RBPJ: variants seen among roughly 807,000 people sequenced by gnomAD.
The protein encoded by RBPJ is recombining binding protein suppressor of hairless.
In RBPJ, 9 loss-of-function variants were observed where a neutral mutation model predicts 67.8. That is an observed-to-expected ratio of 0.13 (90% CI 0.08 to 0.23). The LOEUF (loss-of-function observed/expected upper bound fraction) is 0.23, where lower values mean the gene tolerates loss of function less well. Among genes scored for constraint, RBPJ ranks in the 10% least tolerant of loss-of-function variants. The probability of loss-of-function intolerance (pLI) is 1.00; values close to 1 mark genes in which losing one functional copy is unlikely to be tolerated. For synonymous variants in RBPJ, 198 were observed against 203.3 expected, an observed-to-expected ratio of 0.97 and a Z score of 0.22; for missense variants, 305 against 595.6, an observed-to-expected ratio of 0.51 and a Z score of 5.08.
At chr4:26,320,803 C>G (rs754661034), upstream of RBPJ, 1 of 1,556,916 alleles carries the variant, frequency 6.4e-7, no homozygotes, top group Admixed American at 2.0e-5. Flanking sequence ...CCTGCGCATG[C>G]TCCATCGCCT....
rs60159669 is a variant in RBPJ, at chr4:26,289,384, C to CAAAAA, written c.-166-73043_-166-73039dup. 6.9e-4 allele frequency among the ~76,000 whole-genome samples: 54 copies of CAAAAA among 78,292 alleles called. 1 individual carries two copies. The highest frequency in any genetic ancestry group is 8.2e-3 in the Middle Eastern group (1 of 122). The allele number at this position is 78,292 out of a possible 152,430, so 51.4% of individuals were successfully genotyped here. The stretch of plus-strand genomic sequence containing the variant: ...TCAGCGACAGAGTGAGACTTGGTCT[C>CAAAAA]AAAAAAAAAAAAAAAAAAAAAAAGA... On this transcript the variant is annotated intron_variant, in intron 1 of 4. Coordinates refer to the RBPJ transcript ENST00000512351.
the RBPJ span, among the ~76,000 whole-genome samples, chr4:26,121,761 C>G: frequency 6.6e-6 from 1 of 151,988 alleles, no homozygotes; most frequent in Non-Finnish European, 1.5e-5. Context: ...CAAGTAGCAT[C>G]CAATCAGAAA....
intron 1 of RBPJ, among the ~76,000 whole-genome samples, chr4:26,340,872 GAAAA>G (rs535833238): frequency 8.7e-6 from 1 of 115,490 alleles, no homozygotes; most frequent in Non-Finnish European, 1.9e-5. Flanking sequence ...AAAAACAAAA[GAAAA>G]AAAAAAAAGA....
intron 7 of RBPJ, chr4:26,425,021 T>C (rs1037972588): frequency 1.6e-5 from 7 of 437,588 alleles, no homozygotes; most frequent in African/African-American, 2.0e-5. Context: ...TTTGGCTGTT[T>C]ATCTGAAGAT....
In RBPJ at chr4:26,254,700, CAG is replaced by C. The variant is rs1331790315; in HGVS notation, c.-167+91089_-167+91090del. On this transcript the variant is annotated intron_variant, in intron 1 of 4. Transcript: ENST00000512351. ...TTTATTTTTAATTATTTTTTTAAGACAGAGTCACACCCTGTAACCCAGGCTGG... is the reference window on the plus strand; with the variant it reads ...TTTATTTTTAATTATTTTTTTAAGACAGTCACACCCTGTAACCCAGGCTGG... 1.4e-5 allele frequency among the ~76,000 whole-genome samples: 2 copies of C among 147,438 alleles called. 1 individual carries two copies. Among genetic ancestry groups the C allele is most frequent in the African/African-American group, 5.4e-5 (2 of 37,240 alleles).
At chr4:26,260,233 T>C (rs1306930040) in intron 1 of RBPJ, among the ~76,000 whole-genome samples, 1 of 152,238 alleles carries the variant, frequency 6.6e-6, no homozygotes, top group Non-Finnish European at 1.5e-5. Flanking sequence ...AGGCACTTTG[T>C]GTGGCTTGTC....
chr4:26,203,474 T>A lies in RBPJ; in HGVS notation c.-167+39860T>A, dbSNP rs146075401. On this transcript the variant is annotated intron_variant, in intron 1 of 4. Coordinates refer to the RBPJ transcript ENST00000512351. ...GCCAGCTTTATTCTTCTTCATGGCC[T>A]TTAGCATGATCTGTCATAAATTTAT... Among the ~76,000 whole-genome samples the A allele has an allele frequency of 1.6e-3, 248 of 152,334 alleles. 1 individual carries two copies. The highest frequency in any genetic ancestry group is 5.7e-3 in the African/African-American group (237 of 41,572).
chr4:26,182,166 C>T (rs577606571), intron 1 of RBPJ, among the ~76,000 whole-genome samples: 1 of 152,230 alleles, frequency 6.6e-6, no homozygotes, highest in South Asian at 2.1e-4. Flanking sequence ...CACGGTGAAA[C>T]CCCGTCTCTA....
At chr4:26,123,574 A>G in the RBPJ span, among the ~76,000 whole-genome samples, 33 of 152,156 alleles carry the variant, frequency 2.2e-4, no homozygotes, top group African/African-American at 7.7e-4. Flanking sequence ...TACTTTATAA[A>G]CTTTTTAATG....
chr4:26,142,674 ACTT>A, the RBPJ span, among the ~76,000 whole-genome samples: 2 of 152,238 alleles, frequency 1.3e-5, no homozygotes, highest in African/African-American at 4.8e-5. Flanking sequence ...ACCTACAGAC[ACTT>A]CTTGTGTATC....
intron 1 of RBPJ, among the ~76,000 whole-genome samples, chr4:26,295,001 G>T (rs971187579): frequency 5.3e-5 from 8 of 152,188 alleles, no homozygotes; most frequent in Admixed American, 3.9e-4. Context: ...CCCCTGGAGG[G>T]TATTACTCTG....
At chr4:26,360,449 T>C (rs927352587) in intron 1 of RBPJ, among the ~76,000 whole-genome samples, 2 of 152,212 alleles carry the variant, frequency 1.3e-5, no homozygotes, top group South Asian at 2.1e-4. Context: ...TAGTGCCTAT[T>C]GTGTTGCGGG....
the RBPJ span, among the ~76,000 whole-genome samples, chr4:26,120,015 T>C: frequency 6.6e-6 from 1 of 152,142 alleles, no homozygotes. Flanking sequence ...TTGAGCCATA[T>C]CAAAAGAGAG....
At chr4:26,229,171 T>C (rs1276079518) in intron 1 of RBPJ, among the ~76,000 whole-genome samples, 1 of 152,178 alleles carries the variant, frequency 6.6e-6, no homozygotes, top group African/African-American at 2.4e-5. Flanking sequence ...AATAAACACA[T>C]TCCTCTCTTC....
At chr4:26,319,624 A>C, upstream of RBPJ, 2 of 579,656 alleles carry the variant, frequency 3.5e-6, no homozygotes, top group East Asian at 3.2e-5. Context: ...CGCGAGGTTT[A>C]GGAAATTTCC....
chr4:26,366,823 G>A (rs1177419379), intron 1 of RBPJ, among the ~76,000 whole-genome samples: 2 of 151,462 alleles, frequency 1.3e-5, no homozygotes, highest in Admixed American at 1.3e-4. Context: ...GACTCATGCA[G>A]TTTAAAAAAA....
intron 1 of RBPJ, among the ~76,000 whole-genome samples, chr4:26,238,957 G>A (rs754116798): frequency 2.0e-5 from 3 of 152,044 alleles, no homozygotes; most frequent in East Asian, 1.9e-4. Flanking sequence ...GAGAGCAGAC[G>A]CAGAAGAAAA....
chr4:26,420,647 A>C lies in RBPJ; in HGVS notation c.418A>C (p.Ile140Leu), dbSNP rs1216715110. 1 of 1,613,964 alleles carries C rather than the reference A, an allele frequency of 6.2e-7. No homozygotes were observed. Among genetic ancestry groups the C allele is most frequent in the African/African-American group, 1.3e-5 (1 of 74,944 alleles). Residue 140 changes from isoleucine (I) to leucine (L), a missense_variant, in exon 5 of 11, where the codon ATT (isoleucine) becomes CTT (leucine). Ile to Leu is a conservative substitution (Grantham distance 5). Around this residue, in one of 7 missense-constraint regions of RBPJ, gnomAD observed 79 missense variants for 106.2 expected, o/e 0.74. Transcript: ENST00000355476. ...GATGTTCTATGGCAACAGTGATGAC[A>C]TTGGTGTGTTCCTCAGCAAGCGGAT... is the stretch of plus-strand genomic sequence containing the variant. ...VKMFYGNSDD[I>L]GVFLSKRIKV...
chr4:26,244,337 A>G (rs28875223), intron 1 of RBPJ, among the ~76,000 whole-genome samples: 16 of 150,528 alleles, frequency 1.1e-4, no homozygotes, highest in African/African-American at 4.0e-4. Flanking sequence ...ACATATGTGT[A>G]CACATATGTG....
Sources: allele counts gnomAD v4.1 joint callset (sites outside exome capture counted in the v4.1 genomes callset), GRCh38; gene constraint gnomAD v4.1.1; regional missense constraint gnomAD v4.1.1; transcripts MANE v1.5; gene names NCBI Gene and HGNC (gene_info 2026-07-23, HGNC 2026-07-21).